Variants in MCC observed in about 807,000 individuals in gnomAD.
MCC encodes MCC regulator of Wnt signaling pathway, also known as colorectal mutant cancer protein.
Under a neutral mutation model 116.2 loss-of-function variants are expected in MCC, and 90 were observed. The observed-to-expected ratio is 0.77, with a 90% confidence interval of 0.65 to 0.92. The LOEUF (loss-of-function observed/expected upper bound fraction) is 0.92, where lower values mean the gene tolerates loss of function less well. Ranked by LOEUF, MCC falls within the 40% of genes least tolerant of loss-of-function variation. The probability of loss-of-function intolerance (pLI) is 0.00; values close to 1 mark genes in which losing one functional copy is unlikely to be tolerated. For missense variants in MCC, 1,516 were observed against 1,312.2 expected (o/e 1.16, Z -2.40); for synonymous variants, 578 against 510.5 (o/e 1.13, Z -1.78).
At chr5:113,160,258 C>T (rs569461495) in intron 3 of MCC, among the ~76,000 whole-genome samples, 2 of 152,264 alleles carry the variant, frequency 1.3e-5, no homozygotes, top group East Asian at 3.9e-4. Context: ...GGAAATGGCT[C>T]CCAAGGGGGA....
chr5:113,189,981 G>A (rs1762075306), intron 3 of MCC, among the ~76,000 whole-genome samples: 1 of 152,122 alleles, frequency 6.6e-6, no homozygotes, highest in African/African-American at 2.4e-5. Flanking sequence ...ACTGGCTAAT[G>A]GACCACTCAG....
chr5:113,421,362 T>C (rs1033617053), intron 1 of MCC, among the ~76,000 whole-genome samples: 3 of 152,118 alleles, frequency 2.0e-5, no homozygotes, highest in Non-Finnish European at 4.4e-5. Context: ...TTACCCCCAC[T>C]GGATTTTCCT....
intron 6 of MCC, among the ~76,000 whole-genome samples, chr5:113,108,331 T>TTA (rs1561357382): frequency 2.6e-4 from 11 of 42,726 alleles, no homozygotes; most frequent in African/African-American, 6.1e-4. Flanking sequence ...CACTCTATCT[T>TTA]AAAAAAAAAA....
At chr5:113,289,450 T>C (rs1734252) in intron 3 of MCC, among the ~76,000 whole-genome samples, 1 of 152,172 alleles carries the variant, frequency 6.6e-6, no homozygotes, top group African/African-American at 2.4e-5. Flanking sequence ...ACACCCCTCT[T>C]GGAGAGGTGT....
chr5:113,488,270 C>T lies in MCC; in HGVS notation c.145G>A (p.Gly49Ser). The T allele has an allele frequency of 6.3e-7, 1 of 1,594,680 alleles. No individual in the cohort carries two copies. The highest frequency in any genetic ancestry group is 8.5e-7 in the Non-Finnish European group (1 of 1,171,436). The part of the protein sequence containing the change: ...RMRRLFQTCD[G>S]DGDGYISRND... ...CTGCTGATGTATCCGTCCCCGTCGCCGTCGCACGTCTGGAAGAGGCGCCGC... is the reference window on the plus strand; with the variant it reads ...CTGCTGATGTATCCGTCCCCGTCGCTGTCGCACGTCTGGAAGAGGCGCCGC... The change falls in exon 1 of 19, where the codon GGC becomes AGC. Residue 49 changes from glycine to serine, a missense_variant. Gly to Ser is a moderately conservative substitution (Grantham distance 56). Coordinates refer to ENST00000408903, the MANE Select transcript of MCC (RefSeq NM_001085377.2).
intron 2 of MCC, among the ~76,000 whole-genome samples, chr5:113,375,544 G>A (rs968518861): frequency 2.0e-5 from 3 of 152,176 alleles, no homozygotes; most frequent in Non-Finnish European, 2.9e-5. Flanking sequence ...GGGCTTAGCT[G>A]AGCAGTACTT....
At chr5:113,269,926 T>C (rs1255162870) in intron 3 of MCC, among the ~76,000 whole-genome samples, 4 of 152,334 alleles carry the variant, frequency 2.6e-5, no homozygotes, top group South Asian at 2.1e-4. Context: ...TTTTCTAAAG[T>C]ATAATTACAT....
chr5:113,098,044 G>T (rs1303833861), intron 8 of MCC, among the ~76,000 whole-genome samples: 1 of 152,196 alleles, frequency 6.6e-6, no homozygotes. Flanking sequence ...CTGTAAATCT[G>T]AAGAATTTCT....
intron 6 of MCC, among the ~76,000 whole-genome samples, chr5:113,108,464 C>T (rs1454610036): frequency 6.6e-6 from 1 of 150,558 alleles, no homozygotes; most frequent in African/African-American, 2.4e-5. Flanking sequence ...ACCAGCCTGA[C>T]CAACATAGTG....
At position 113,130,912 on chromosome 5, in the gene MCC, C is replaced by A. The variant is rs532378252; in HGVS notation, c.885-8086G>T. On this transcript the variant is annotated intron_variant, in intron 5 of 18. Transcript: ENST00000408903. ...ATTCCTTTCTAGTAACACAAAGGGA[C>A]TAAGACAGGGCCCCACTCTTCTGAC... Among the ~76,000 whole-genome samples, 5 of 152,296 alleles carry A rather than the reference C, an allele frequency of 3.3e-5. 1 individual carries two copies. The highest frequency in any genetic ancestry group is 1.2e-4 in the African/African-American group (5 of 41,568).
chr5:113,286,071 T>TA (rs1766244182), intron 3 of MCC, among the ~76,000 whole-genome samples: 1 of 152,230 alleles, frequency 6.6e-6, no homozygotes, highest in African/African-American at 2.4e-5. Flanking sequence ...ACATATTGAC[T>TA]AGGTGCTGGC....
In MCC at chr5:113,379,552, GATCT is replaced by G. The variant is rs1581439723; in HGVS notation, c.415+5412_415+5415del. Among the ~76,000 whole-genome samples, 3 of 152,130 alleles carry G rather than the reference GATCT, an allele frequency of 2.0e-5. No individual in the cohort carries two copies. The East Asian group carries it at 5.8e-4, about 29-fold the overall frequency. On this transcript the variant is annotated intron_variant, in intron 2 of 18. Transcript: ENST00000408903. Reference sequence around the variant, plus strand: ...CATGGCAACTCAGTGGTGAAATTGGGATCTATCTTTCTAGCATTATAATACAAGT... The same window carrying G: ...CATGGCAACTCAGTGGTGAAATTGGGATCTTTCTAGCATTATAATACAAGT...
intron 2 of MCC, among the ~76,000 whole-genome samples, chr5:113,345,696 C>T (rs1768117985): frequency 6.6e-6 from 1 of 152,218 alleles, no homozygotes; most frequent in South Asian, 2.1e-4. Context: ...CTGAAAAATA[C>T]ACAGTATTAT....
intron 1 of MCC, among the ~76,000 whole-genome samples, chr5:113,450,403 C>T (rs1007865707): frequency 2.8e-4 from 42 of 152,078 alleles, no homozygotes; most frequent in African/African-American, 9.9e-4. Flanking sequence ...GGTGGGGACC[C>T]GGGAGCTTGA....
chr5:113,197,609 C>T (rs906503053), intron 3 of MCC, among the ~76,000 whole-genome samples: 3 of 152,164 alleles, frequency 2.0e-5, no homozygotes, highest in East Asian at 1.9e-4. Flanking sequence ...TTTCTTGGGT[C>T]GTGGGAGGCC....
chr5:113,139,039 C>T (rs1443984151), intron 5 of MCC, among the ~76,000 whole-genome samples: 1 of 152,050 alleles, frequency 6.6e-6, no homozygotes, highest in Non-Finnish European at 1.5e-5. Flanking sequence ...TAGTAGGCTG[C>T]CCATTTATAT....
intron 1 of MCC, among the ~76,000 whole-genome samples, chr5:113,463,806 G>A (rs1204918470): frequency 2.6e-5 from 4 of 152,162 alleles, no homozygotes; most frequent in Non-Finnish European, 5.9e-5. Context: ...GTAAATAAGA[G>A]ACGAAACGTA....
intron 1 of MCC, among the ~76,000 whole-genome samples, chr5:113,483,236 T>C (rs13186052): frequency 2.0e-5 from 3 of 152,224 alleles, no homozygotes; most frequent in Non-Finnish European, 4.4e-5. Context: ...TTCAAGATTG[T>C]TTTGACTCTT....
intron 3 of MCC, among the ~76,000 whole-genome samples, chr5:113,180,259 C>T (rs1435223071): frequency 6.6e-6 from 1 of 152,128 alleles, no homozygotes; most frequent in Non-Finnish European, 1.5e-5. Flanking sequence ...TTCAATTCCA[C>T]CCTGTCTCCC....
Sources: allele counts gnomAD v4.1 joint callset (sites outside exome capture counted in the v4.1 genomes callset), GRCh38; gene constraint gnomAD v4.1.1; transcripts MANE v1.5; gene names NCBI Gene and HGNC (gene_info 2026-07-23, HGNC 2026-07-21).